The following UGGT1 variants were observed in gnomAD, a reference collection of about 807,000 sequenced individuals.
UGGT1 encodes the protein UDP-glucose glycoprotein glucosyltransferase 1.
A neutral mutation model predicts 203.9 loss-of-function variants in UGGT1; 107 were observed. That is an observed-to-expected ratio of 0.52 (90% CI 0.45 to 0.62). The LOEUF is 0.62. Ranked by LOEUF, UGGT1 falls within the 20% of genes least tolerant of loss-of-function variation. The pLI is 0.00. For missense variants in UGGT1, 1,673 were observed against 1,867.2 expected, an observed-to-expected ratio of 0.90 and a Z score of 1.92; for synonymous variants, 628 against 653.5, an observed-to-expected ratio of 0.96 and a Z score of 0.59.
intron 2 of UGGT1, among the ~76,000 whole-genome samples, chr2:128,102,013 C>G (rs1395941432): frequency 6.6e-6 from 1 of 152,194 alleles, no homozygotes; most frequent in Non-Finnish European, 1.5e-5. Flanking sequence ...AATGTACTCT[C>G]TCTGTACCCA....
intron 3 of UGGT1, 107 bp from the exon 4 acceptor site, chr2:128,107,831 C>A: frequency 6.8e-7 from 1 of 1,465,764 alleles, no homozygotes; most frequent in Non-Finnish European, 9.3e-7. Flanking sequence ...ACTGGTAAAA[C>A]TTGCCTTCAC....
At chr2:128,127,849 G>A (rs923678566) in intron 12 of UGGT1, among the ~76,000 whole-genome samples, 4 of 152,158 alleles carry the variant, frequency 2.6e-5, no homozygotes, top group African/African-American at 7.2e-5. Context: ...TGAGGCCGGC[G>A]GATCACTTGA....
chr2:128,127,962 T>A (rs1688677526), intron 12 of UGGT1, among the ~76,000 whole-genome samples: 1 of 152,004 alleles, frequency 6.6e-6, no homozygotes, highest in African/African-American at 2.4e-5. Flanking sequence ...TAGTACCAAC[T>A]ACTTGGAAGG....
chr2:128,183,587 G>C, intron 37 of UGGT1, 88 bp from the exon 38 acceptor site: 2 of 886,086 alleles, frequency 2.3e-6, no homozygotes, highest in Non-Finnish European at 3.6e-6. Context: ...CAGAATATTT[G>C]GCTAGTGGCC....
intron 2 of UGGT1, among the ~76,000 whole-genome samples, chr2:128,099,751 A>G (rs1454176217): frequency 6.6e-6 from 1 of 152,176 alleles, no homozygotes; most frequent in East Asian, 1.9e-4. Context: ...AACTTGATAA[A>G]TGGGTCAAGC....
At chr2:128,137,159 A>G (rs1490981404) in intron 15 of UGGT1, among the ~76,000 whole-genome samples, 3 of 152,158 alleles carry the variant, frequency 2.0e-5, no homozygotes, top group South Asian at 2.1e-4. Context: ...GCTCATGCCT[A>G]TAATCCCAGG....
At chr2:128,140,531 C>G (rs1689367855) in intron 16 of UGGT1, 1 of 152,240 alleles carries the variant, frequency 6.6e-6, no homozygotes. Context: ...GGCTGCAGAT[C>G]TCATGGAACC....
chr2:128,183,268 C>T (rs1691800086), intron 37 of UGGT1, among the ~76,000 whole-genome samples: 1 of 152,190 alleles, frequency 6.6e-6, no homozygotes, highest in African/African-American at 2.4e-5. Flanking sequence ...ATGGTGGCTT[C>T]ATTCTTTACA....
intron 34 of UGGT1, among the ~76,000 whole-genome samples, chr2:128,179,507 G>A (rs966922335): frequency 3.9e-5 from 6 of 152,190 alleles, no homozygotes; most frequent in Non-Finnish European, 8.8e-5. Context: ...AGTTCATGAA[G>A]CAGTTTATTT....
At chr2:128,150,168 G>T (rs1471990078) in intron 18 of UGGT1, among the ~76,000 whole-genome samples, 1 of 152,156 alleles carries the variant, frequency 6.6e-6, no homozygotes, top group African/African-American at 2.4e-5. Context: ...CAGTTGTGGT[G>T]GCTGACGCCT....
chr2:128,166,225 G>A (rs1465073254), intron 26 of UGGT1, among the ~76,000 whole-genome samples: 1 of 152,136 alleles, frequency 6.6e-6, no homozygotes, highest in African/African-American at 2.4e-5. Flanking sequence ...ATCTGCACAC[G>A]TGCATGTTGT....
At chr2:128,146,920 G>A (rs1203202595) in intron 18 of UGGT1, among the ~76,000 whole-genome samples, 1 of 152,080 alleles carries the variant, frequency 6.6e-6, no homozygotes, top group Non-Finnish European at 1.5e-5. Flanking sequence ...TCATGTGGTT[G>A]GTCTTTCTAG....
chr2:128,170,492 G>A, intron 27 of UGGT1, 102 bp downstream of exon 27: 1 of 933,800 alleles, frequency 1.1e-6, no homozygotes, highest in Non-Finnish European at 1.7e-6. Context: ...CCTTCAACAG[G>A]CACTGGACAA....
chr2:128,133,001 G>T, intron 13 of UGGT1, 140 bp from the exon 14 acceptor site: 1 of 1,087,702 alleles, frequency 9.2e-7, no homozygotes, highest in African/African-American at 1.6e-5. Flanking sequence ...GCCACTCACT[G>T]CAGCCAATCT....
intron 7 of UGGT1, 28 bp from the exon 8 acceptor site, chr2:128,116,234 TTAA>T (rs1231255243): frequency 2.5e-5 from 35 of 1,402,778 alleles, no homozygotes; most frequent in Non-Finnish European, 3.4e-5. Flanking sequence ...TGAGCAATTA[TTAA>T]TAATATGTAT....
chr2:128,138,922 A>G, intron 16 of UGGT1, 70 bp downstream of exon 16: 1 of 1,587,454 alleles, frequency 6.3e-7, no homozygotes, highest in Non-Finnish European at 8.6e-7. Flanking sequence ...ATGTGTGGTC[A>G]TTGTATGCTA....
Position 128,194,528 on chromosome 2 carries a change from A to G in UGGT1, c.*4786A>G, listed in dbSNP as rs1216547247. On this transcript the variant is annotated 3_prime_UTR_variant, in exon 41 of 41. Coordinates refer to ENST00000259253, the MANE Select transcript of UGGT1 (RefSeq NM_020120.4). ...GTGATCCACCCGCATCGGCCCCCCA[A>G]AGTGCTGGGATTATAGGCGTGAACC... 6.6e-6 allele frequency: 1 copy of G among 152,170 alleles called. No individual in the cohort carries two copies. The highest frequency in any genetic ancestry group is 1.5e-5 in the Non-Finnish European group (1 of 68,034). The allele number at this position is 152,170 out of a possible 1,614,324, so 9.4% of individuals were successfully genotyped here.
intron 13 of UGGT1, 93 bp from the exon 14 acceptor site, chr2:128,133,048 T>C (rs1688956800): frequency 2.0e-6 from 3 of 1,472,020 alleles, no homozygotes; most frequent in South Asian, 2.5e-5. Context: ...CACATGATTC[T>C]TCTTAAAATA....
intron 18 of UGGT1, chr2:128,151,330 G>T: frequency 5.5e-6 from 3 of 542,790 alleles, no homozygotes; most frequent in Non-Finnish European, 6.9e-6. Flanking sequence ...CAGACATGGC[G>T]CCTGCCACGC....
Sources: allele counts gnomAD v4.1 joint callset (sites outside exome capture counted in the v4.1 genomes callset), GRCh38; gene constraint gnomAD v4.1.1; transcripts MANE v1.5; gene names NCBI Gene and HGNC (gene_info 2026-07-23, HGNC 2026-07-21).